The following PIEZO2 variants were observed in gnomAD, a reference collection of about 807,000 sequenced individuals.
The protein encoded by PIEZO2 is piezo type mechanosensitive ion channel component 2.
A neutral mutation model predicts 337.3 loss-of-function variants in PIEZO2; 172 were observed. That is an observed-to-expected ratio of 0.51 (90% CI 0.45 to 0.58). PIEZO2 has a LOEUF of 0.58. Ranked by LOEUF, PIEZO2 falls within the 20% of genes least tolerant of loss-of-function variation. The pLI is 0.00. For missense variants in PIEZO2, 3,028 were observed against 3,391.3 expected (o/e 0.89, Z 2.66); for synonymous variants, 1,251 against 1,228.5 (o/e 1.02, Z -0.38).
intron 1 of PIEZO2, among the ~76,000 whole-genome samples, chr18:11,087,990 C>G (rs2146022749): frequency 6.6e-6 from 1 of 152,362 alleles, no homozygotes; most frequent in Middle Eastern, 3.4e-3. Context: ...CTTTGTGATG[C>G]CACTCACATA....
chr18:11,019,447 A>C (rs556688310), intron 2 of PIEZO2, among the ~76,000 whole-genome samples: 101 of 152,236 alleles, frequency 6.6e-4, no homozygotes, highest in Middle Eastern at 3.4e-3. Flanking sequence ...CTTTCCTCTC[A>C]TCTGGGAGCT....
In PIEZO2 at chr18:11,048,607, C is replaced by A. The variant is rs1182535873; in HGVS notation, c.160+17520G>T. On this transcript the variant is annotated intron_variant, in intron 2 of 55. Transcript: ENST00000674853. This position sits in a 1 kb window ranked among gnomAD's most constrained non-coding sequence, Gnocchi z 4.5. ...AAGATACAGCAGAATGAGGGAAATG[C>A]TTATATAGATAACTGAATTATTTAT... Among the ~76,000 whole-genome samples the A allele has an allele frequency of 1.3e-5, 2 of 152,190 alleles. No homozygotes were observed. Among genetic ancestry groups the A allele is most frequent in the Non-Finnish European group, 2.9e-5 (2 of 68,030 alleles).
In PIEZO2 at chr18:10,705,602, A is replaced by G. The variant is rs367666535; in HGVS notation, c.5733T>C (p.Asp1911=). The G allele has an allele frequency of 8.1e-5, 125 of 1,536,896 alleles. No individual in the cohort carries two copies. Among genetic ancestry groups the G allele is most frequent in the Non-Finnish European group, 9.9e-5 (113 of 1,146,872 alleles). ...CCTCCTCGGCACCCATGGCTCCCAC[A>G]TCGTACCCAGTGGCCTCGTACTCCT... ...EAKEYEATGY[D]VGAMGAEEAS... Residue 1911 remains aspartate, a synonymous_variant, in exon 41 of 56, where the codon GAT becomes GAC. Coordinates refer to ENST00000674853, the MANE Select transcript of PIEZO2 (RefSeq NM_001378183.1).
At chr18:11,118,385 G>C (rs1478891860) in intron 1 of PIEZO2, among the ~76,000 whole-genome samples, 1 of 152,168 alleles carries the variant, frequency 6.6e-6, no homozygotes, top group Non-Finnish European at 1.5e-5. Flanking sequence ...GAGATGCCTG[G>C]AGTGACAACT....
At chr18:11,138,483 C>T (rs916411899) in intron 1 of PIEZO2, among the ~76,000 whole-genome samples, 12 of 151,998 alleles carry the variant, frequency 7.9e-5, no homozygotes, top group Non-Finnish European at 1.6e-4. Context: ...TTAGTAGAGA[C>T]GAGGTTTCCC....
In PIEZO2 at chr18:10,800,229, A is replaced by G. The variant is rs991707817; in HGVS notation, c.1378+108T>C. 2.2e-5 allele frequency: 31 copies of G among 1,409,254 alleles called. No homozygotes were observed. The Admixed American group carries it at 6.9e-4, about 31-fold the overall frequency. 87.3% of individuals were successfully genotyped at this position (1,409,254 alleles called of 1,614,324 possible). On this transcript the variant is annotated intron_variant, in intron 11 of 55. Coordinates refer to ENST00000674853, the MANE Select transcript of PIEZO2 (RefSeq NM_001378183.1). The stretch of plus-strand genomic sequence containing the variant: ...AAGAAGTGAGGTTAATGACACTGAC[A>G]TGGATACAGTTTTTAAAAAAATAAA...
chr18:10,757,555 A>G (rs1250866970), intron 27 of PIEZO2, among the ~76,000 whole-genome samples: 2 of 146,076 alleles, frequency 1.4e-5, no homozygotes. Flanking sequence ...GGGGATGAGG[A>G]TGAGCTATGG....
Position 11,051,462 on chromosome 18 carries a change from G to A in PIEZO2, c.160+14665C>T, listed in dbSNP as rs552154330. 2.1e-4 allele frequency among the ~76,000 whole-genome samples: 32 copies of A among 152,080 alleles called. 1 individual carries two copies. In the South Asian group the frequency reaches 4.8e-3, roughly 23 times the overall value. On this transcript the variant is annotated intron_variant, in intron 2 of 55. Coordinates refer to ENST00000674853, the MANE Select transcript of PIEZO2 (RefSeq NM_001378183.1). ...TAAAATAGTCTGGCTGTAGGACAAC[G>A]GCTAGTGTTGCCCAGGAAGTGTAGT...
chr18:10,939,949 A>C (rs9949218), intron 3 of PIEZO2, among the ~76,000 whole-genome samples: 2,044 of 152,258 alleles, frequency 0.013, 49 homozygotes, highest in African/African-American at 0.044. Flanking sequence ...TTAAAAAAAA[A>C]ATACCTCGGC....
At position 10,924,399 on chromosome 18, in the gene PIEZO2, T is replaced by G. The variant is rs568019735; in HGVS notation, c.287-13171A>C. On this transcript the variant is annotated intron_variant, in intron 3 of 55. Coordinates refer to ENST00000674853, the MANE Select transcript of PIEZO2 (RefSeq NM_001378183.1). ...CCATAAGTAACTTACTCATTTAAAC[T>G]TAAATCCTTCATAAAGGGCTTATAA... is the stretch of plus-strand genomic sequence containing the variant. Among the ~76,000 whole-genome samples, 31 of 152,346 alleles carry G rather than the reference T, an allele frequency of 2.0e-4. No homozygotes were observed. The South Asian group carries it at 5.0e-3, about 24-fold the overall frequency.
intron 2 of PIEZO2, among the ~76,000 whole-genome samples, chr18:11,026,661 C>T (rs1440382891): frequency 6.6e-6 from 1 of 152,242 alleles, no homozygotes; most frequent in African/African-American, 2.4e-5. Context: ...AGCCTGAATG[C>T]TCCCTCCACT....
At chr18:10,994,400 CTTTTT>C (rs71169965) in intron 2 of PIEZO2, among the ~76,000 whole-genome samples, 1 of 143,282 alleles carries the variant, frequency 7.0e-6, no homozygotes, top group African/African-American at 2.6e-5. Context: ...TTTGTTCTTT[CTTTTT>C]TTTTTTTTTT....
At chr18:10,703,063 A>T (rs2035410863) in intron 42 of PIEZO2, among the ~76,000 whole-genome samples, 1 of 152,180 alleles carries the variant, frequency 6.6e-6, no homozygotes, top group African/African-American at 2.4e-5. Context: ...TATGTTGCCC[A>T]GGCTTGTCTT....
Position 11,066,581 on chromosome 18 carries a change from T to TC in PIEZO2, c.65-360_65-359insG, listed in dbSNP as rs1273731687. Reference sequence around the variant, plus strand: ...CAAACACATAAAATGTTATTGGGGGTGGACTATAAAAGTGCAGACTTTTTG... The same window carrying TC: ...CAAACACATAAAATGTTATTGGGGGTCGGACTATAAAAGTGCAGACTTTTTG... On this transcript the variant is annotated intron_variant, in intron 1 of 55. Transcript: ENST00000674853. 4.6e-5 allele frequency among the ~76,000 whole-genome samples: 7 copies of TC among 152,002 alleles called. No homozygotes were observed. In the East Asian group the frequency reaches 1.2e-3, roughly 25 times the overall value.
At position 11,126,252 on chromosome 18, in the gene PIEZO2, G is replaced by C. The variant is rs2040179442; in HGVS notation, c.64+22273C>G. ...TCAACATGAAGTTTTTACTATCACA[G>C]TTTTGTTTATTATTTTCCAGAAATC... On this transcript the variant is annotated intron_variant, in intron 1 of 55. Transcript: ENST00000674853. The surrounding 1 kb of genome is among the most constrained non-coding windows in gnomAD (Gnocchi z 4.6). 6.6e-6 allele frequency among the ~76,000 whole-genome samples: 1 copy of C among 152,148 alleles called. No individual in the cohort carries two copies. Among genetic ancestry groups the C allele is most frequent in the Admixed American group, 6.6e-5 (1 of 15,266 alleles).
intron 2 of PIEZO2, among the ~76,000 whole-genome samples, chr18:11,049,039 CA>C (rs2037421100): frequency 6.6e-6 from 1 of 151,960 alleles, no homozygotes; most frequent in African/African-American, 2.4e-5. Flanking sequence ...AAGTCAGCTT[CA>C]AAAAAACTGA....
At chr18:10,718,587 T>A (rs1233149048) in intron 36 of PIEZO2, among the ~76,000 whole-genome samples, 1 of 152,234 alleles carries the variant, frequency 6.6e-6, no homozygotes, top group Non-Finnish European at 1.5e-5. Context: ...AGAATAGTAT[T>A]TGGTGCATGT....
At chr18:10,900,628 T>G (rs2043021879) in intron 4 of PIEZO2, among the ~76,000 whole-genome samples, 2 of 152,364 alleles carry the variant, frequency 1.3e-5, no homozygotes, top group South Asian at 2.1e-4. Context: ...CAGTTTTCCC[T>G]ATCAGTGCCT....
chr18:10,747,527 A>AT (rs2037471884), intron 30 of PIEZO2, among the ~76,000 whole-genome samples: 1 of 152,248 alleles, frequency 6.6e-6, no homozygotes, highest in African/African-American at 2.4e-5. Context: ...GAAAATGATT[A>AT]TAACAATGAA....
Sources: gnomAD v4.1 joint callset for allele counts (sites outside exome capture counted in the v4.1 genomes callset) on GRCh38, gnomAD v4.1.1 for gene constraint, Gnocchi (gnomAD v3.1) non-coding constraint, MANE v1.5 for transcripts, NCBI Gene and HGNC (gene_info 2026-07-23, HGNC 2026-07-21) for gene names.